OSBPL9: variants seen among roughly 807,000 people sequenced by gnomAD.
OSBPL9 encodes oxysterol binding protein like 9.
OSBPL9 carries 40 observed loss-of-function variants against 106.6 expected under a neutral mutation model. The ratio of observed to expected loss-of-function variants is 0.38; its 90% CI spans 0.29 to 0.49. The LOEUF (loss-of-function observed/expected upper bound fraction) is 0.49, where lower values mean the gene tolerates loss of function less well. OSBPL9 is among the 20% of genes least tolerant of loss of function. The pLI is 0.97. For synonymous variants in OSBPL9, 269 were observed against 295.4 expected (o/e 0.91, Z 0.92); for missense variants, 609 against 887.2 (o/e 0.69, Z 3.98).
intron 4 of OSBPL9, among the ~76,000 whole-genome samples, chr1:51,715,411 G>A (rs1660849221): frequency 6.6e-6 from 1 of 152,152 alleles, no homozygotes; most frequent in African/African-American, 2.4e-5. Context: ...TCCTGTAAGA[G>A]GAGGATAAGT....
intron 4 of OSBPL9, among the ~76,000 whole-genome samples, chr1:51,728,094 C>A (rs923291994): frequency 6.6e-6 from 1 of 152,094 alleles, no homozygotes; most frequent in Admixed American, 6.5e-5. Flanking sequence ...TGAAAAAGGC[C>A]ATTGTGTGCA....
chr1:51,783,065 A>G (rs768377665), intron 17 of OSBPL9, among the ~76,000 whole-genome samples: 1 of 152,184 alleles, frequency 6.6e-6, no homozygotes, highest in Admixed American at 6.5e-5. Context: ...CATATAACCT[A>G]TGCACACCCT....
At chr1:51,727,934 G>C (rs1033025468) in intron 4 of OSBPL9, among the ~76,000 whole-genome samples, 7 of 152,190 alleles carry the variant, frequency 4.6e-5, no homozygotes, top group Admixed American at 3.9e-4. Flanking sequence ...ATGTAAGATA[G>C]CAAGAACTGA....
At position 51,594,612 on chromosome 1, in the gene OSBPL9, A is replaced by T. The variant is rs6671563; in HGVS notation, c.-422-3512A>T. On this transcript the variant is annotated intron_variant, in intron 1 of 25. Transcript: ENST00000371714. Reference sequence around the variant, plus strand: ...TGCTTTACTCACCTTACCTAATTTAACACTCTGAACAATCTTGCAAGATCC... The same window carrying T: ...TGCTTTACTCACCTTACCTAATTTATCACTCTGAACAATCTTGCAAGATCC... Among the ~76,000 whole-genome samples the T allele has an allele frequency of 7.0e-3, 1,073 of 152,268 alleles. 7 individuals carry two copies. Among genetic ancestry groups the T allele is most frequent in the African/African-American group, 0.025 (1,027 of 41,556 alleles).
chr1:51,732,567 C>T (rs569668682), intron 4 of OSBPL9, among the ~76,000 whole-genome samples: 1 of 152,258 alleles, frequency 6.6e-6, no homozygotes, highest in East Asian at 1.9e-4. Flanking sequence ...TTCCATCTTC[C>T]TTATTTTCCA....
At chr1:51,689,952 C>CT (rs1654618080) in intron 3 of OSBPL9, among the ~76,000 whole-genome samples, 1 of 152,230 alleles carries the variant, frequency 6.6e-6, no homozygotes, top group South Asian at 2.1e-4. Flanking sequence ...CCTGTTCTCC[C>CT]TTTTTCTGGA....
chr1:51,631,100 G>T (rs1176788563), intron 1 of OSBPL9, among the ~76,000 whole-genome samples: 1 of 152,188 alleles, frequency 6.6e-6, no homozygotes, highest in Non-Finnish European at 1.5e-5. Flanking sequence ...GTGTGCTGGG[G>T]CCTACAGTAT....
At chr1:51,631,700 A>G (rs924931795) in intron 1 of OSBPL9, among the ~76,000 whole-genome samples, 10 of 152,136 alleles carry the variant, frequency 6.6e-5, no homozygotes, top group African/African-American at 2.4e-4. Context: ...CTCTCATTAG[A>G]TTTACAAAGG....
At chr1:51,785,754 C>A in intron 20 of OSBPL9, 54 bp from the exon 21 acceptor site, 1 of 1,513,450 alleles carries the variant, frequency 6.6e-7, no homozygotes, top group Non-Finnish European at 9.2e-7. Flanking sequence ...TGAGCAGATT[C>A]TTTGGTAGAA....
upstream of OSBPL9, among the ~76,000 whole-genome samples, chr1:51,575,446 A>G (rs1337570022): frequency 6.6e-6 from 1 of 151,632 alleles, no homozygotes; most frequent in African/African-American, 2.4e-5. Flanking sequence ...CCTGACCTCA[A>G]GTGATCCGCC....
chr1:51,605,841 C>T (rs550627540), intron 2 of OSBPL9, among the ~76,000 whole-genome samples: 1 of 151,992 alleles, frequency 6.6e-6, no homozygotes, highest in Non-Finnish European at 1.5e-5. Context: ...ATTAGCTGGG[C>T]GTGGTGGCAG....
At chr1:51,548,016 C>T in the OSBPL9 span, among the ~76,000 whole-genome samples, 1 of 151,558 alleles carries the variant, frequency 6.6e-6, no homozygotes, top group South Asian at 2.1e-4. Flanking sequence ...TAACTTTCTT[C>T]CTAATACATA....
At chr1:51,546,017 T>G in the OSBPL9 span, among the ~76,000 whole-genome samples, 1 of 152,156 alleles carries the variant, frequency 6.6e-6, no homozygotes, top group African/African-American at 2.4e-5. Context: ...ATGCACAGAC[T>G]GTAAGACAAT....
intron 1 of OSBPL9, among the ~76,000 whole-genome samples, chr1:51,596,588 T>C (rs532983712): frequency 1.9e-3 from 276 of 144,742 alleles, no homozygotes; most frequent in African/African-American, 6.7e-3. Context: ...AAGACCAGCC[T>C]GACCAACATG....
At chr1:51,726,092 T>G (rs143241249) in intron 4 of OSBPL9, among the ~76,000 whole-genome samples, 88 of 152,376 alleles carry the variant, frequency 5.8e-4, no homozygotes, top group African/African-American at 1.9e-3. Context: ...GAAGATGTTA[T>G]TAAGAAAATC....
chr1:51,757,855 G>A (rs1670667007), intron 9 of OSBPL9, among the ~76,000 whole-genome samples: 1 of 152,064 alleles, frequency 6.6e-6, no homozygotes, highest in South Asian at 2.1e-4. Flanking sequence ...TTCTACCTTA[G>A]AAGTTTGTTG....
intron 12 of OSBPL9, among the ~76,000 whole-genome samples, chr1:51,768,222 T>TGAGCCA (rs1673056576): frequency 6.6e-6 from 1 of 151,972 alleles, no homozygotes; most frequent in South Asian, 2.1e-4. Flanking sequence ...ATTACAGGCA[T>TGAGCCA]GAGCCACCGC....
the OSBPL9 span, among the ~76,000 whole-genome samples, chr1:51,568,032 G>A: frequency 1.3e-5 from 2 of 152,322 alleles, no homozygotes; most frequent in African/African-American, 2.4e-5. Flanking sequence ...GTTGGGGCAG[G>A]ACATTGTGAA....
intron 1 of OSBPL9, among the ~76,000 whole-genome samples, chr1:51,591,124 T>C (rs1214584751): frequency 6.6e-6 from 1 of 152,012 alleles, no homozygotes; most frequent in Non-Finnish European, 1.5e-5. Flanking sequence ...TTCACCATGT[T>C]AGCCAGGATG....
Sources: allele counts gnomAD v4.1 joint callset (sites outside exome capture counted in the v4.1 genomes callset), GRCh38; gene constraint gnomAD v4.1.1; transcripts MANE v1.5; gene names NCBI Gene and HGNC (gene_info 2026-07-23, HGNC 2026-07-21).